CCDC40: variants seen among roughly 807,000 people sequenced by gnomAD.
CCDC40 encodes the protein coiled-coil domain-containing protein 40.
A neutral mutation model predicts 124.5 loss-of-function variants in CCDC40; 104 were observed. That is an observed-to-expected ratio of 0.84 (90% CI 0.71 to 0.98). The LOEUF (loss-of-function observed/expected upper bound fraction) is 0.98. Ranked by LOEUF, CCDC40 falls within the 50% of genes least tolerant of loss-of-function variation. CCDC40 has a pLI of 0.00. For synonymous variants in CCDC40, 580 were observed against 602.9 expected (o/e 0.96, Z 0.56); for missense variants, 1,463 against 1,503.9 (o/e 0.97, Z 0.45).
intron 10 of CCDC40, among the ~76,000 whole-genome samples, chr17:80,080,114 A>T (rs1169611505): frequency 6.6e-6 from 1 of 152,112 alleles, no homozygotes; most frequent in Admixed American, 6.6e-5. Context: ...AATCCCAGCT[A>T]CTTGAGTGGC....
In CCDC40 at chr17:80,087,976, C is replaced by A; in HGVS notation, c.2620-35C>A. Reference sequence around the variant, plus strand: ...CCCCGGCATCCACAATCCCATGGCCCTCCCCACAGCTGTCCCGCCCCCTCC... The same window carrying A: ...CCCCGGCATCCACAATCCCATGGCCATCCCCACAGCTGTCCCGCCCCCTCC... On this transcript the variant is annotated intron_variant, in intron 15 of 19. Transcript: ENST00000397545. The surrounding 1 kb of genome is among the most constrained non-coding windows in gnomAD (Gnocchi z 4.5). 1 of 1,507,106 alleles carries A rather than the reference C, an allele frequency of 6.6e-7. No homozygotes were observed. Among genetic ancestry groups the A allele is most frequent in the Non-Finnish European group, 9.2e-7 (1 of 1,082,678 alleles). The allele number at this position is 1,507,106 out of a possible 1,614,324, so 93.4% of individuals were successfully genotyped here.
rs762011731 is a variant in CCDC40 at position 80,095,464 on chromosome 17, G to A, written c.3021+13G>A. 180 of 1,613,346 alleles carry A rather than the reference G, an allele frequency of 1.1e-4. No homozygotes were observed. The highest frequency in any genetic ancestry group is 1.4e-4 in the Non-Finnish European group (164 of 1,179,554). On this transcript the variant is annotated intron_variant, in intron 18 of 19. Coordinates refer to ENST00000397545, the MANE Select transcript of CCDC40 (RefSeq NM_017950.4). ...GGACGTTCGCAAGGTAGGGAGCAGCGGAAAGGAAACAGGGCGCCTGCTCCT... is the reference window on the plus strand; with the variant it reads ...GGACGTTCGCAAGGTAGGGAGCAGCAGAAAGGAAACAGGGCGCCTGCTCCT...
chr17:80,088,415 C>T (rs2038635810), intron 16 of CCDC40: 1 of 402,070 alleles, frequency 2.5e-6, no homozygotes, highest in African/African-American at 2.1e-5. Context: ...CCATGCCTCA[C>T]TAATTTTTGT....
intron 17 of CCDC40, chr17:80,090,226 C>A: frequency 4.5e-6 from 4 of 885,976 alleles, no homozygotes; most frequent in Non-Finnish European, 3.2e-6. Context: ...GAACACGGGA[C>A]GCGCGCAGGC....
intron 18 of CCDC40, among the ~76,000 whole-genome samples, chr17:80,096,050 C>T (rs1046329130): frequency 6.6e-6 from 1 of 152,258 alleles, no homozygotes; most frequent in Admixed American, 6.5e-5. Context: ...TCACACTTCC[C>T]AGGTTGGCCC....
At position 80,040,003 on chromosome 17, in the gene CCDC40, T is replaced by G. The variant is rs776557845; in HGVS notation, c.285T>G (p.Tyr95Ter). ...GAGATGCTGAAAGCGAAGAGGAATA[T>G]TACTATACAGAAACTTCATCCCCGG... The part of the protein sequence containing the change: ...SYGDAESEEE[Y>*]YYTETSSPEG... Residue 95 changes from tyrosine to a stop codon, truncating the protein, a stop_gained, in exon 3 of 20, where the codon TAT becomes TAG. Transcript: ENST00000397545. LOFTEE classifies it high-confidence loss of function. The G allele has an allele frequency of 6.2e-7, 1 of 1,614,034 alleles. No homozygotes were observed. Among genetic ancestry groups the G allele is most frequent in the East Asian group, 2.2e-5 (1 of 44,862 alleles).
intron 19 of CCDC40, 133 bp from the exon 20 acceptor site, chr17:80,099,394 T>A (rs1227561535): frequency 9.5e-7 from 1 of 1,055,544 alleles, no homozygotes; most frequent in East Asian, 2.4e-5. Flanking sequence ...GCGCAACACC[T>A]TCACGCCGTC....
chr17:80,056,016 A>ATATATTTTTTTT (rs71163913), intron 7 of CCDC40, among the ~76,000 whole-genome samples: 5 of 10,246 alleles, frequency 4.9e-4, no homozygotes, highest in East Asian at 4.2e-3. Context: ...ATATATATAT[A>ATATATTTTTTTT]TTTTTTTTTT....
At position 80,065,560 on chromosome 17, in the gene CCDC40, A is replaced by G. The variant is rs375904127; in HGVS notation, c.1516A>G (p.Met506Val). The change falls in exon 10 of 20, where the codon ATG becomes GTG. Residue 506 changes from methionine to valine, a missense_variant. Physicochemically the swap from Met to Val is conservative, Grantham distance 21 (BLOSUM62 1). Coordinates refer to ENST00000397545, the MANE Select transcript of CCDC40 (RefSeq NM_017950.4). Reference sequence around the variant, plus strand: ...GCAATGGGCCAGCAGCCTGGTGGGCATGAAGCACCGCGACGAGGCGCACAG... The same window carrying G: ...GCAATGGGCCAGCAGCCTGGTGGGCGTGAAGCACCGCGACGAGGCGCACAG... Reference protein sequence around the residue: ...MQQWASSLVGMKHRDEAHRAV... With the variant: ...MQQWASSLVGVKHRDEAHRAV... The G allele has an allele frequency of 3.1e-6, 5 of 1,612,978 alleles. No individual in the cohort carries two copies. The highest frequency in any genetic ancestry group is 1.3e-5 in the African/African-American group (1 of 75,008).
intron 10 of CCDC40, chr17:80,067,938 C>T: frequency 8.2e-7 from 1 of 1,216,280 alleles, no homozygotes. Flanking sequence ...TATGTACACG[C>T]ACAAACACTT....
At chr17:80,045,146 CAG>C (rs1389245592) in intron 3 of CCDC40, among the ~76,000 whole-genome samples, 1 of 152,206 alleles carries the variant, frequency 6.6e-6, no homozygotes, top group Admixed American at 6.5e-5. Context: ...GGGCTGGAGA[CAG>C]AGACAGCCGG....
Position 80,058,670 on chromosome 17 carries a change from A to G in CCDC40, c.1317+19A>G. 1 of 1,613,892 alleles carries G rather than the reference A, an allele frequency of 6.2e-7. No individual in the cohort carries two copies. On this transcript the variant is annotated intron_variant, in intron 8 of 19. Coordinates refer to ENST00000397545, the MANE Select transcript of CCDC40 (RefSeq NM_017950.4). The surrounding 1 kb of genome is among the most constrained non-coding windows in gnomAD (Gnocchi z 4.2). ...AAAGCAGGTATTCTGCAAACTCGAC[A>G]CATGTTTAATGATCACCAGACCGTG...
chr17:80,067,447 T>A, intron 10 of CCDC40: 2 of 738,660 alleles, frequency 2.7e-6, no homozygotes, highest in Non-Finnish European at 2.3e-6. Flanking sequence ...CCTCTCTTGC[T>A]CCGTGGGAGC....
intron 3 of CCDC40, among the ~76,000 whole-genome samples, chr17:80,046,994 C>T (rs371060573): frequency 3.9e-5 from 6 of 152,050 alleles, no homozygotes; most frequent in Admixed American, 6.6e-5. Flanking sequence ...TACAGGTGCC[C>T]GCCACCGCAC....
chr17:80,099,797 T>C lies in CCDC40; in HGVS notation c.*22T>C, dbSNP rs2038886515. On this transcript the variant is annotated 3_prime_UTR_variant, in exon 20 of 20. Coordinates refer to ENST00000397545, the MANE Select transcript of CCDC40 (RefSeq NM_017950.4). ...CTAGGGAGCAGCCTGGACTCCGCCT[T>C]GCAAGGCCTCCAGGAAGAGATCCGG... 1.9e-6 allele frequency: 3 copies of C among 1,611,128 alleles called. No individual in the cohort carries two copies. Among genetic ancestry groups the C allele is most frequent in the Non-Finnish European group, 2.5e-6 (3 of 1,179,554 alleles).
Position 80,086,577 on chromosome 17 carries a change from C to A in CCDC40, c.2449+361C>A. ...GGTCCTGCCAGGCAGGCTCCTGGTG[C>A]TGTCCCCACATCACCTCCAGTTGGG... On this transcript the variant is annotated intron_variant, in intron 14 of 19. Transcript: ENST00000397545. This position sits in a 1 kb window ranked among gnomAD's most constrained non-coding sequence, Gnocchi z 5.5. 2 of 330,136 alleles carry A rather than the reference C, an allele frequency of 6.1e-6. No homozygotes were observed. The highest frequency in any genetic ancestry group is 5.9e-6 in the Non-Finnish European group (1 of 170,822). 20.5% of individuals were successfully genotyped at this position (330,136 alleles called of 1,614,324 possible).
In CCDC40 at chr17:80,090,369, C is replaced by T. The variant is rs60197132; in HGVS notation, c.2832+485C>T. On this transcript the variant is annotated intron_variant, in intron 17 of 19. Coordinates refer to ENST00000397545, the MANE Select transcript of CCDC40 (RefSeq NM_017950.4). ...CAAGGGACGCGCGCAGGCACGTGCACGAACACAGGACACACACAGCACGTG... is the reference window on the plus strand; with the variant it reads ...CAAGGGACGCGCGCAGGCACGTGCATGAACACAGGACACACACAGCACGTG... 3.8e-6 allele frequency: 4 copies of T among 1,052,550 alleles called. No individual in the cohort carries two copies. The Admixed American group carries it at 7.8e-5, about 21-fold the overall frequency. The allele number at this position is 1,052,550 out of a possible 1,614,324, so 65.2% of individuals were successfully genotyped here. A position where few individuals can be genotyped will look rare whatever the true frequency, so the allele number is the denominator to read the frequency against.
intron 7 of CCDC40, among the ~76,000 whole-genome samples, chr17:80,052,909 A>G (rs1193424705): frequency 1.3e-5 from 2 of 152,236 alleles, no homozygotes; most frequent in African/African-American, 4.8e-5. Context: ...AAATTTAAAA[A>G]TATAATCATC....
intron 10 of CCDC40, among the ~76,000 whole-genome samples, chr17:80,071,846 T>TC (rs2038196066): frequency 6.8e-6 from 1 of 146,604 alleles, no homozygotes; most frequent in Non-Finnish European, 1.5e-5. Context: ...TTTTTTTTTT[T>TC]TTTTTTTGAG....
Sources: allele counts gnomAD v4.1 joint callset (sites outside exome capture counted in the v4.1 genomes callset), GRCh38; gene constraint gnomAD v4.1.1; non-coding constraint Gnocchi (gnomAD v3.1); transcripts MANE v1.5; gene names NCBI Gene and HGNC (gene_info 2026-07-23, HGNC 2026-07-21).